Variants in SAMTOR observed in about 807,000 individuals in gnomAD.
SAMTOR encodes S-adenosylmethionine sensor upstream of mTORC1.
At chr7:112,903,978 T>C in the SAMTOR span, among the ~76,000 whole-genome samples, 1 of 150,514 alleles carries the variant, frequency 6.6e-6, no homozygotes, top group Non-Finnish European at 1.5e-5. Context: ...AAAAAGCGGG[T>C]ACTTTAAAAT....
chr7:112,832,394 A>G, the SAMTOR span, among the ~76,000 whole-genome samples: 3 of 152,322 alleles, frequency 2.0e-5, no homozygotes, highest in Non-Finnish European at 2.9e-5. Context: ...AATAAAGACA[A>G]TATTTGGTTA....
chr7:112,933,633 G>C, the SAMTOR span, among the ~76,000 whole-genome samples: 3 of 152,170 alleles, frequency 2.0e-5, no homozygotes, highest in Non-Finnish European at 1.5e-5. Flanking sequence ...CCCAGGACGA[G>C]CACATCCTTT....
At chr7:112,890,362 AC>A in the SAMTOR span, among the ~76,000 whole-genome samples, 21 of 149,630 alleles carry the variant, frequency 1.4e-4, no homozygotes, top group Non-Finnish European at 2.1e-4. Context: ...AAAAATAACA[AC>A]CCCCCCCACC....
chr7:112,890,362 A>ACC, the SAMTOR span, among the ~76,000 whole-genome samples: 6 of 149,520 alleles, frequency 4.0e-5, no homozygotes, highest in Non-Finnish European at 7.4e-5. Context: ...AAAAATAACA[A>ACC]CCCCCCCCAC....
the SAMTOR span, among the ~76,000 whole-genome samples, chr7:112,854,519 G>A: frequency 6.6e-6 from 1 of 152,114 alleles, no homozygotes; most frequent in Non-Finnish European, 1.5e-5. Flanking sequence ...ATTTATATCT[G>A]AAAAAAGTTT....
chr7:112,929,439 A>G, the SAMTOR span, among the ~76,000 whole-genome samples: 7 of 152,064 alleles, frequency 4.6e-5, no homozygotes, highest in African/African-American at 1.7e-4. Flanking sequence ...ACCAGAGATA[A>G]CAAGCATTGG....
the SAMTOR span, among the ~76,000 whole-genome samples, chr7:112,841,241 T>C: frequency 2.6e-3 from 393 of 152,202 alleles, 2 homozygotes; most frequent in African/African-American, 8.9e-3. Context: ...ACTCTCAGGA[T>C]ACAAAATCAA....
chr7:112,887,684 T>C, the SAMTOR span, among the ~76,000 whole-genome samples: 1 of 152,258 alleles, frequency 6.6e-6, no homozygotes, highest in Admixed American at 6.5e-5. Flanking sequence ...ATTGTATCTT[T>C]CAAGGAACCA....
At chr7:112,902,796 T>G in the SAMTOR span, among the ~76,000 whole-genome samples, 1 of 152,146 alleles carries the variant, frequency 6.6e-6, no homozygotes, top group Non-Finnish European at 1.5e-5. Flanking sequence ...TCTGGTCAAT[T>G]GTGTTGTAAA....
At chr7:112,883,149 T>C in the SAMTOR span, among the ~76,000 whole-genome samples, 3 of 152,230 alleles carry the variant, frequency 2.0e-5, no homozygotes, top group Non-Finnish European at 2.9e-5. Flanking sequence ...ACTCTTGGAT[T>C]GGCAGTGACC....
At chr7:112,844,085 A>G in the SAMTOR span, among the ~76,000 whole-genome samples, 1 of 152,118 alleles carries the variant, frequency 6.6e-6, no homozygotes, top group African/African-American at 2.4e-5. Context: ...ACATCCCTTC[A>G]TGTTAAAAAC....
the SAMTOR span, among the ~76,000 whole-genome samples, chr7:112,835,954 A>G: frequency 6.6e-6 from 1 of 152,080 alleles, no homozygotes; most frequent in Non-Finnish European, 1.5e-5. Context: ...GTATGTGTGC[A>G]TGTGTCTTTA....
the SAMTOR span, among the ~76,000 whole-genome samples, chr7:112,875,478 G>A: frequency 3.9e-5 from 6 of 151,998 alleles, no homozygotes; most frequent in African/African-American, 1.5e-4. Flanking sequence ...CTGTGTATTA[G>A]CATTAAAAAT....
At chr7:112,827,022 G>C in the SAMTOR span, among the ~76,000 whole-genome samples, 1 of 152,118 alleles carries the variant, frequency 6.6e-6, no homozygotes, top group Non-Finnish European at 1.5e-5. Context: ...ATGTACTCTT[G>C]ATGAACTGAC....
the SAMTOR span, among the ~76,000 whole-genome samples, chr7:112,837,874 C>T: frequency 0.011 from 1,618 of 151,996 alleles, 30 homozygotes; most frequent in African/African-American, 0.037. Flanking sequence ...GTATTTAATA[C>T]GTATTGTTGA....
At chr7:112,832,138 A>C in the SAMTOR span, among the ~76,000 whole-genome samples, 9 of 151,610 alleles carry the variant, frequency 5.9e-5, no homozygotes, top group African/African-American at 9.7e-5. Context: ...CAGCCTCCTG[A>C]GTAGCTGGGA....
the SAMTOR span, among the ~76,000 whole-genome samples, chr7:112,881,359 A>G: frequency 6.6e-6 from 1 of 152,112 alleles, no homozygotes; most frequent in Non-Finnish European, 1.5e-5. Flanking sequence ...TTGAAGACTC[A>G]ACTCAGCCAG....
the SAMTOR span, among the ~76,000 whole-genome samples, chr7:112,854,060 G>A: frequency 1.3e-5 from 2 of 152,046 alleles, no homozygotes; most frequent in Non-Finnish European, 2.9e-5. Flanking sequence ...TAGATGAGAA[G>A]TGGGTAAAAT....
the SAMTOR span, among the ~76,000 whole-genome samples, chr7:112,914,110 T>C: frequency 6.6e-6 from 1 of 152,148 alleles, no homozygotes; most frequent in African/African-American, 2.4e-5. Context: ...TCTGAATTAT[T>C]TGTTGAATGA....
Sources: gnomAD v4.1 joint callset for allele counts (sites outside exome capture counted in the v4.1 genomes callset) on GRCh38, gnomAD v4.1.1 for gene constraint, MANE v1.5 for transcripts, NCBI Gene and HGNC (gene_info 2026-07-23, HGNC 2026-07-21) for gene names.